CFAP221: variants seen among roughly 807,000 people sequenced by gnomAD.
The protein encoded by CFAP221 is cilia- and flagella-associated protein 221.
In CFAP221, 97 loss-of-function variants were observed where a neutral mutation model predicts 113.1. That is an observed-to-expected ratio of 0.86 (90% confidence interval 0.73 to 1.02). The LOEUF (loss-of-function observed/expected upper bound fraction) is 1.02, where lower values mean the gene tolerates loss of function less well. Ranked by LOEUF, CFAP221 falls within the 50% of genes least tolerant of loss-of-function variation. The pLI is 0.00. For synonymous variants in CFAP221, 331 were observed against 354.4 expected, an observed-to-expected ratio of 0.93 and a Z score of 0.74; for missense variants, 1,025 against 1,013.4, an observed-to-expected ratio of 1.01 and a Z score of -0.16.
chr2:119,614,700 C>T (rs1342076089), intron 13 of CFAP221, among the ~76,000 whole-genome samples: 2 of 152,182 alleles, frequency 1.3e-5, no homozygotes, highest in Non-Finnish European at 2.9e-5. Context: ...ATGAGAACTA[C>T]AATTCAAGAT....
At chr2:119,617,047 G>A (rs1205148468) in intron 14 of CFAP221, among the ~76,000 whole-genome samples, 1 of 152,202 alleles carries the variant, frequency 6.6e-6, no homozygotes, top group Non-Finnish European at 1.5e-5. Context: ...TAACCACTGT[G>A]CCTTAGTTTC....
intron 6 of CFAP221, among the ~76,000 whole-genome samples, chr2:119,566,522 C>A (rs995143611): frequency 6.6e-6 from 1 of 152,182 alleles, no homozygotes; most frequent in Non-Finnish European, 1.5e-5. Flanking sequence ...TGACTGCAGT[C>A]CAGCCTTGCT....
intron 21 of CFAP221, among the ~76,000 whole-genome samples, chr2:119,642,600 A>G (rs1307953032): frequency 2.0e-5 from 3 of 147,018 alleles, no homozygotes; most frequent in African/African-American, 7.7e-5. Flanking sequence ...GTGCAGTGGC[A>G]TAATCATAGC....
chr2:119,652,039 T>C lies in CFAP221; in HGVS notation c.2384T>C (p.Met795Thr). ...TPEMIKVEFP[M>T]LNYKDIRKEK... Reference sequence around the variant, plus strand: ...GAAATGATCAAAGTGGAATTCCCTATGTTGAACTACAAGGACATCAGGAAG... The same window carrying C: ...GAAATGATCAAAGTGGAATTCCCTACGTTGAACTACAAGGACATCAGGAAG... The change falls in exon 23 of 24, where the codon ATG (methionine) becomes ACG (threonine). Residue 795 changes from methionine (M) to threonine (T), a missense_variant. Coordinates refer to ENST00000413369, the MANE Select transcript of CFAP221 (RefSeq NM_001271049.2). The C allele has an allele frequency of 9.9e-6, 16 of 1,613,254 alleles. No homozygotes were observed. The highest frequency in any genetic ancestry group is 1.2e-5 in the Non-Finnish European group (14 of 1,179,478).
chr2:119,614,565 G>A (rs1417232077), intron 13 of CFAP221, among the ~76,000 whole-genome samples: 1 of 152,138 alleles, frequency 6.6e-6, no homozygotes, highest in Admixed American at 6.5e-5. Flanking sequence ...AGTGAAGGGA[G>A]AAGCCCCTTA....
intron 8 of CFAP221, 147 bp downstream of exon 8, chr2:119,601,524 C>T: frequency 1.4e-6 from 1 of 722,866 alleles, no homozygotes; most frequent in South Asian, 2.9e-5. Context: ...TACTGTAAAA[C>T]ATAACAGAAA....
At chr2:119,546,523 T>C (rs1379632754) in intron 2 of CFAP221, among the ~76,000 whole-genome samples, 8 of 152,194 alleles carry the variant, frequency 5.3e-5, no homozygotes, top group Non-Finnish European at 1.2e-4. Flanking sequence ...GCTCCCCTTA[T>C]CTTGTTTCTC....
chr2:119,560,758 G>A (rs1426130916), intron 5 of CFAP221, among the ~76,000 whole-genome samples: 10 of 152,024 alleles, frequency 6.6e-5, no homozygotes, highest in African/African-American at 2.4e-5. Flanking sequence ...GCACAATAAG[G>A]TGACTTGCCG....
intron 12 of CFAP221, among the ~76,000 whole-genome samples, chr2:119,609,135 G>A (rs1684975495): frequency 6.6e-6 from 1 of 152,174 alleles, no homozygotes; most frequent in Non-Finnish European, 1.5e-5. Flanking sequence ...TGGGAACTGT[G>A]GGACTGTCCA....
intron 15 of CFAP221, among the ~76,000 whole-genome samples, 189 bp from the exon 16 acceptor site, chr2:119,627,464 T>A (rs1248987984): frequency 4.0e-5 from 6 of 151,522 alleles, no homozygotes; most frequent in Non-Finnish European, 1.5e-5. Flanking sequence ...AAAGATAAAA[T>A]TTTTTTAACC....
chr2:119,628,082 G>A (rs1360756479), intron 16 of CFAP221, among the ~76,000 whole-genome samples: 1 of 152,178 alleles, frequency 6.6e-6, no homozygotes, highest in Non-Finnish European at 1.5e-5. Flanking sequence ...AGTGCAGAAG[G>A]GCAGAGAGAG....
intron 7 of CFAP221, among the ~76,000 whole-genome samples, chr2:119,596,077 G>T (rs1683947108): frequency 6.6e-6 from 1 of 152,098 alleles, no homozygotes; most frequent in Non-Finnish European, 1.5e-5. Flanking sequence ...AGTGGGATGG[G>T]AGTCTACTGG....
intron 2 of CFAP221, 73 bp from the exon 3 acceptor site, chr2:119,549,012 T>A: frequency 9.7e-7 from 1 of 1,029,118 alleles, no homozygotes. Flanking sequence ...GAAAGCTATG[T>A]TAATAAGGAT....
chr2:119,639,939 CA>C, intron 21 of CFAP221, 67 bp downstream of exon 21: 1 of 1,366,942 alleles, frequency 7.3e-7, no homozygotes, highest in Non-Finnish European at 1.0e-6. Flanking sequence ...CAATGATCCC[CA>C]AAAGTTAAAT....
chr2:119,583,394 T>TG, intron 6 of CFAP221, among the ~76,000 whole-genome samples: 1 of 63,156 alleles, frequency 1.6e-5, no homozygotes, highest in East Asian at 4.7e-4. Flanking sequence ...GGAAATAGTC[T>TG]CTTTTTTTTT....
intron 6 of CFAP221, among the ~76,000 whole-genome samples, chr2:119,586,149 G>C (rs1000700985): frequency 2.0e-5 from 3 of 152,170 alleles, no homozygotes; most frequent in African/African-American, 7.2e-5. Flanking sequence ...GAGATGTACA[G>C]AGTCAAAGAT....
At chr2:119,597,267 A>C (rs962348251) in intron 7 of CFAP221, among the ~76,000 whole-genome samples, 1 of 152,146 alleles carries the variant, frequency 6.6e-6, no homozygotes, top group Non-Finnish European at 1.5e-5. Context: ...TACACAATTC[A>C]TGTATAATCA....
At chr2:119,554,072 C>T (rs536495995) in intron 3 of CFAP221, among the ~76,000 whole-genome samples, 11 of 152,330 alleles carry the variant, frequency 7.2e-5, no homozygotes, top group African/African-American at 9.6e-5. Flanking sequence ...TTGGGAGAGC[C>T]AGCCCCCTGT....
intron 23 of CFAP221, 75 bp downstream of exon 23, chr2:119,652,144 C>A: frequency 8.5e-7 from 1 of 1,182,066 alleles, no homozygotes; most frequent in South Asian, 1.5e-5. Flanking sequence ...ACAAAAGTGT[C>A]ATGTTGTCTG....
Sources: allele counts gnomAD v4.1 joint callset (sites outside exome capture counted in the v4.1 genomes callset), GRCh38; gene constraint gnomAD v4.1.1; transcripts MANE v1.5; gene names NCBI Gene and HGNC (gene_info 2026-07-23, HGNC 2026-07-21).